BTBD16: variants seen among roughly 807,000 people sequenced by gnomAD.
BTBD16 encodes BTB domain containing 16.
A neutral mutation model predicts 67.4 loss-of-function variants in BTBD16; 66 were observed. The observed-to-expected ratio is 0.98, with a 90% CI of 0.80 to 1.20. The LOEUF is 1.20. Among genes scored for constraint, BTBD16 ranks in the 50% most tolerant of loss-of-function variants. The probability of loss-of-function intolerance (pLI) is 0.00; values close to 1 mark genes in which losing one functional copy is unlikely to be tolerated. For synonymous variants in BTBD16, 242 were observed against 236.4 expected (o/e 1.02, Z -0.22); for missense variants, 634 against 616.0 (o/e 1.03, Z -0.31).
intron 10 of BTBD16, among the ~76,000 whole-genome samples, chr10:122,321,920 A>T (rs542003114): frequency 6.6e-6 from 1 of 152,244 alleles, no homozygotes; most frequent in African/African-American, 2.4e-5. Flanking sequence ...ATCCAGAAAG[A>T]TATTTCCTAG....
intron 7 of BTBD16, among the ~76,000 whole-genome samples, chr10:122,293,897 G>A (rs534525677): frequency 3.9e-5 from 6 of 152,274 alleles, no homozygotes; most frequent in South Asian, 2.1e-4. Context: ...ACTGGAAGCC[G>A]CATTTAACCT....
chr10:122,284,081 G>A (rs10887119), intron 4 of BTBD16, among the ~76,000 whole-genome samples, 157 bp downstream of exon 4: 6,095 of 152,204 alleles, frequency 0.04, 336 homozygotes, highest in East Asian at 0.2. Context: ...ATAGGTGCCC[G>A]GTAAATATTT....
At chr10:122,273,221 G>GATATATATATATATATATATATATATAT (rs71715395) in intron 1 of BTBD16, among the ~76,000 whole-genome samples, 44 of 129,460 alleles carry the variant, frequency 3.4e-4, no homozygotes, top group East Asian at 6.8e-4. Context: ...GCAACACAAA[G>GATATATATATATATATATATATATATAT]ATATATATAT....
intron 4 of BTBD16, 49 bp from the exon 5 acceptor site, chr10:122,286,056 G>C: frequency 6.5e-7 from 1 of 1,545,956 alleles, no homozygotes; most frequent in South Asian, 1.2e-5. Flanking sequence ...TGCATCTTTG[G>C]GTGGGGACGT....
chr10:122,322,947 A>G (rs2096438107), intron 10 of BTBD16, among the ~76,000 whole-genome samples: 1 of 152,156 alleles, frequency 6.6e-6, no homozygotes, highest in Non-Finnish European at 1.5e-5. Context: ...TCTGTTCCTA[A>G]GCATGGCTCC....
chr10:122,275,920 G>A (rs992391856), intron 2 of BTBD16, among the ~76,000 whole-genome samples: 1 of 152,084 alleles, frequency 6.6e-6, no homozygotes, highest in African/African-American at 2.4e-5. Flanking sequence ...AATATTCACA[G>A]CACTCTTCAC....
intron 3 of BTBD16, among the ~76,000 whole-genome samples, chr10:122,278,434 A>T (rs2096345477): frequency 6.6e-6 from 1 of 152,222 alleles, no homozygotes; most frequent in African/African-American, 2.4e-5. Flanking sequence ...ATGAAGAGTC[A>T]TCTTGAGGAT....
chr10:122,327,854 G>A (rs2096447976), intron 10 of BTBD16, among the ~76,000 whole-genome samples: 1 of 152,148 alleles, frequency 6.6e-6, no homozygotes, highest in Non-Finnish European at 1.5e-5. Flanking sequence ...CAGCAGAACC[G>A]GCGTCTGGAG....
At chr10:122,294,957 G>C (rs568116614) in intron 7 of BTBD16, among the ~76,000 whole-genome samples, 9 of 152,372 alleles carry the variant, frequency 5.9e-5, no homozygotes, top group Admixed American at 3.9e-4. Flanking sequence ...ACCCGATGAG[G>C]GTGGGGCCCG....
intron 11 of BTBD16, 90 bp downstream of exon 11, chr10:122,329,661 G>A: frequency 9.4e-7 from 1 of 1,059,512 alleles, no homozygotes; most frequent in Non-Finnish European, 1.4e-6. Context: ...CCCACCTGAT[G>A]TTTCCAAGGG....
At chr10:122,331,029 A>T in intron 11 of BTBD16, 147 bp from the exon 12 acceptor site, 2 of 1,006,896 alleles carry the variant, frequency 2.0e-6, no homozygotes, top group Non-Finnish European at 2.8e-6. Context: ...TTTTATTTCC[A>T]CTTTGTCAAT....
chr10:122,299,052 A>G lies in BTBD16; in HGVS notation c.709A>G (p.Asn237Asp). 6.2e-7 allele frequency: 1 copy of G among 1,613,950 alleles called. No homozygotes were observed. ...CGGCTGCGAGAAGTGGCTGGAAATG[A>G]ACTTGGTTCCTCTAGGGGGGACGCA... ...TTGCEKWLEM[N>D]LVPLGGTQIH... Residue 237 changes from asparagine to aspartate, a missense_variant, in exon 9 of 16, where the codon AAC becomes GAC. By Grantham distance (23) the Asn-to-Asp change is conservative. Coordinates refer to ENST00000260723, the MANE Select transcript of BTBD16 (RefSeq NM_144587.5).
At chr10:122,304,550 C>CTTTTTTTTTTTTTTTTTTTT (rs3037891) in intron 9 of BTBD16, among the ~76,000 whole-genome samples, 1 of 95,470 alleles carries the variant, frequency 1.0e-5, no homozygotes, top group Non-Finnish European at 2.0e-5. Flanking sequence ...AGCAGGTATT[C>CTTTTTTTTTTTTTTTTTTTT]TTTTTTTTTT....
At chr10:122,316,882 G>A (rs531454195) in intron 10 of BTBD16, among the ~76,000 whole-genome samples, 49 of 151,926 alleles carry the variant, frequency 3.2e-4, no homozygotes, top group Middle Eastern at 6.8e-3. Context: ...CCGCCTCTCC[G>A]GTTCAACTGA....
intron 5 of BTBD16, among the ~76,000 whole-genome samples, chr10:122,289,364 C>T (rs185084376): frequency 1.3e-5 from 2 of 152,014 alleles, no homozygotes; most frequent in Non-Finnish European, 2.9e-5. Context: ...GGAAGTTAGG[C>T]GAGGGATACG....
intron 10 of BTBD16, among the ~76,000 whole-genome samples, chr10:122,309,430 C>T (rs1176984284): frequency 3.3e-5 from 5 of 151,502 alleles, no homozygotes; most frequent in Middle Eastern, 3.4e-3. Flanking sequence ...CTTCAACCTC[C>T]GCCTCCCAGG....
intron 14 of BTBD16, among the ~76,000 whole-genome samples, chr10:122,335,262 A>G (rs2096461731): frequency 6.6e-6 from 1 of 152,344 alleles, no homozygotes; most frequent in East Asian, 1.9e-4. Flanking sequence ...CTAGTCTTCT[A>G]TCTCTACATG....
chr10:122,310,944 G>A (rs2096412696), intron 10 of BTBD16, among the ~76,000 whole-genome samples: 1 of 152,186 alleles, frequency 6.6e-6, no homozygotes, highest in Non-Finnish European at 1.5e-5. Flanking sequence ...AGGGTCGAGA[G>A]CCATTAACTG....
chr10:122,292,327 G>A (rs529572786), intron 7 of BTBD16, among the ~76,000 whole-genome samples: 1 of 152,204 alleles, frequency 6.6e-6, no homozygotes, highest in African/African-American at 2.4e-5. Flanking sequence ...CCCTTGCAGG[G>A]ATGACCTCAT....
Sources: gnomAD v4.1 joint callset for allele counts (sites outside exome capture counted in the v4.1 genomes callset) on GRCh38, gnomAD v4.1.1 for gene constraint, MANE v1.5 for transcripts, NCBI Gene and HGNC (gene_info 2026-07-23, HGNC 2026-07-21) for gene names.